Variants in ADAMTS18 observed in about 807,000 individuals in gnomAD.
ADAMTS18 encodes the protein ADAM metallopeptidase with thrombospondin type 1 motif 18.
Under a neutral mutation model 165.9 loss-of-function variants are expected in ADAMTS18, and 157 were observed. The ratio of observed to expected loss-of-function variants is 0.95; its 90% CI spans 0.83 to 1.08. The LOEUF is 1.08. Among genes scored for constraint, ADAMTS18 ranks in the 50% least tolerant of loss-of-function variants. ADAMTS18 has a pLI of 0.00. For synonymous variants in ADAMTS18, 782 were observed against 578.2 expected, an observed-to-expected ratio of 1.35 and a Z score of -5.06; for missense variants, 2,040 against 1,534.0, an observed-to-expected ratio of 1.33 and a Z score of -5.51.
chr16:77,300,092 C>T (rs1224565672), intron 17 of ADAMTS18, 171 bp downstream of exon 17: 1 of 732,750 alleles, frequency 1.4e-6, no homozygotes, highest in Non-Finnish European at 2.2e-6. Context: ...TTCCTTACCA[C>T]ATAGGAAAAC....
Position 77,367,445 on chromosome 16 carries a change from C to A in ADAMTS18, c.774G>T (p.Lys258Asn). ...AGAAAAAGTTTCCTTACATACATTTCTTGCGTCGTCCACAAAAATGCTGCT... is the reference window on the plus strand; with the variant it reads ...AGAAAAAGTTTCCTTACATACATTTATTGCGTCGTCCACAAAAATGCTGCT... ...LQKQHFCGRR[K>N]KYAPKPPTED... The change falls in exon 4 of 23, where the codon AAG (lysine) becomes AAT (asparagine). Residue 258 changes from lysine (K) to asparagine (N), a missense_variant. Transcript: ENST00000282849. The A allele has an allele frequency of 6.2e-7, 1 of 1,614,182 alleles. No homozygotes were observed. The highest frequency in any genetic ancestry group is 8.5e-7 in the Non-Finnish European group (1 of 1,180,028).
At chr16:77,401,559 T>C (rs144178672) in intron 3 of ADAMTS18, among the ~76,000 whole-genome samples, 240 of 152,298 alleles carry the variant, frequency 1.6e-3, no homozygotes, top group African/African-American at 5.6e-3. Context: ...ATGCTCTCCA[T>C]CTCTACACTA....
chr16:77,425,266 G>A (rs2057656786), intron 3 of ADAMTS18, among the ~76,000 whole-genome samples: 2 of 152,270 alleles, frequency 1.3e-5, no homozygotes, highest in Middle Eastern at 3.4e-3. Flanking sequence ...TGGGGACAAA[G>A]AAAAGAGAAA....
intron 3 of ADAMTS18, among the ~76,000 whole-genome samples, chr16:77,391,966 A>T (rs2057193582): frequency 6.6e-6 from 1 of 152,206 alleles, no homozygotes; most frequent in Non-Finnish European, 1.5e-5. Flanking sequence ...CCATTGAAAA[A>T]ATGCATTTCA....
At chr16:77,293,509 C>A (rs1406197199) in intron 19 of ADAMTS18, among the ~76,000 whole-genome samples, 2 of 151,722 alleles carry the variant, frequency 1.3e-5, no homozygotes, top group African/African-American at 4.8e-5. Flanking sequence ...GACTCAACAC[C>A]ATGTACTATT....
chr16:77,372,328 G>C (rs2056888242), intron 3 of ADAMTS18, among the ~76,000 whole-genome samples: 1 of 152,186 alleles, frequency 6.6e-6, no homozygotes, highest in South Asian at 2.1e-4. Flanking sequence ...AGTGTTTATT[G>C]CAGCACTAGT....
At chr16:77,411,878 G>A (rs913826480) in intron 3 of ADAMTS18, among the ~76,000 whole-genome samples, 47 of 151,478 alleles carry the variant, frequency 3.1e-4, no homozygotes, top group African/African-American at 1.1e-3. Context: ...TAATAGAGAC[G>A]GGGTTTCACC....
At chr16:77,406,419 G>T (rs1372872013) in intron 3 of ADAMTS18, among the ~76,000 whole-genome samples, 1 of 151,984 alleles carries the variant, frequency 6.6e-6, no homozygotes, top group African/African-American at 2.4e-5. Flanking sequence ...CCAAGATCAC[G>T]ATTGAAACAA....
In ADAMTS18 at chr16:77,322,434, C is replaced by T. The variant is rs397515467; in HGVS notation, c.2065G>A (p.Glu689Lys). Residue 689 changes from glutamate to lysine, a missense_variant, in exon 14 of 23, where the codon GAG (glutamate) becomes AAG (lysine). Transcript: ENST00000282849. Reference protein sequence around the residue: ...EDRCKLYCKAENFEFFFAMSG... With the variant: ...EDRCKLYCKAKNFEFFFAMSG... ...ATTGCAAAAAAAAATTCAAAGTTCT[C>T]AGCCTTGCAGTACAGTTTGCATCGA... 9.3e-6 allele frequency: 15 copies of T among 1,613,932 alleles called. No individual in the cohort carries two copies. In the East Asian group the frequency reaches 2.2e-4, roughly 24 times the overall value.
intron 12 of ADAMTS18, among the ~76,000 whole-genome samples, chr16:77,334,145 T>C (rs1409975375): frequency 1.6e-4 from 16 of 100,754 alleles, no homozygotes; most frequent in African/African-American, 4.4e-4. Context: ...GTGTTATATA[T>C]TATATATAAT....
chr16:77,364,575 A>C (rs77133505), intron 4 of ADAMTS18, among the ~76,000 whole-genome samples, 194 bp from the exon 5 acceptor site: 12,481 of 145,448 alleles, frequency 0.086, 725 homozygotes, highest in East Asian at 0.25. Flanking sequence ...CTACTCAATA[A>C]ATGTTTGGAT....
chr16:77,322,960 G>C (rs2056030019), intron 13 of ADAMTS18, among the ~76,000 whole-genome samples: 1 of 152,088 alleles, frequency 6.6e-6, no homozygotes, highest in South Asian at 2.1e-4. Context: ...TCAGGCACCA[G>C]GGAGAAAAGG....
Position 77,434,487 on chromosome 16 carries a change from G to C in ADAMTS18, c.109C>G (p.Leu37Val). 2.6e-6 allele frequency: 4 copies of C among 1,567,238 alleles called. No individual in the cohort carries two copies. The highest frequency in any genetic ancestry group is 3.4e-6 in the Non-Finnish European group (4 of 1,160,826). The part of the protein sequence containing the change: ...RVAKALQLCC[L>V]CCASVAAALA... Reference sequence around the variant, plus strand: ...GCCGCGGCGACCGACGCACAGCAGAGGCAGCACAGCTGGAGCGCCTGCAAG... The same window carrying C: ...GCCGCGGCGACCGACGCACAGCAGACGCAGCACAGCTGGAGCGCCTGCAAG... The change falls in exon 2 of 23, where the codon CTC (leucine) becomes GTC (valine). Residue 37 changes from leucine to valine, a missense_variant. Coordinates refer to ENST00000282849, the MANE Select transcript of ADAMTS18 (RefSeq NM_199355.4).
At chr16:77,321,395 G>C (rs1030490751) in intron 14 of ADAMTS18, among the ~76,000 whole-genome samples, 193 bp from the exon 15 acceptor site, 1 of 152,120 alleles carries the variant, frequency 6.6e-6, no homozygotes, top group African/African-American at 2.4e-5. Flanking sequence ...AGATGACTGA[G>C]CAAGTTGTAT....
At chr16:77,382,254 A>C (rs1235711741) in intron 3 of ADAMTS18, among the ~76,000 whole-genome samples, 1 of 152,160 alleles carries the variant, frequency 6.6e-6, no homozygotes, top group Non-Finnish European at 1.5e-5. Context: ...TCTGTTGCCC[A>C]GGCTGGAGTG....
chr16:77,355,413 A>G (rs2056614711), intron 9 of ADAMTS18, among the ~76,000 whole-genome samples: 1 of 152,214 alleles, frequency 6.6e-6, no homozygotes. Flanking sequence ...ATAATAGTCA[A>G]AGAAGAAAAT....
At chr16:77,395,935 T>C (rs1271062926) in intron 3 of ADAMTS18, among the ~76,000 whole-genome samples, 2 of 152,222 alleles carry the variant, frequency 1.3e-5, no homozygotes, top group East Asian at 1.9e-4. Flanking sequence ...TCTAATGTTT[T>C]TGAAGCATTT....
intron 22 of ADAMTS18, among the ~76,000 whole-genome samples, chr16:77,287,896 C>G (rs550168669): frequency 1.3e-5 from 2 of 152,144 alleles, no homozygotes; most frequent in African/African-American, 4.8e-5. Context: ...GTTGTTGTAG[C>G]TTTCTTTTAA....
chr16:77,314,900 T>C (rs34503199), intron 16 of ADAMTS18, among the ~76,000 whole-genome samples: 73,093 of 145,548 alleles, frequency 0.5, 19,144 homozygotes, highest in Non-Finnish European at 0.54. Flanking sequence ...ATGGCCCTAA[T>C]AATTAGCTGG....
Sources: gnomAD v4.1 joint callset for allele counts (sites outside exome capture counted in the v4.1 genomes callset) on GRCh38, gnomAD v4.1.1 for gene constraint, MANE v1.5 for transcripts, NCBI Gene and HGNC (gene_info 2026-07-23, HGNC 2026-07-21) for gene names.